CCSER1: variants seen among roughly 807,000 people sequenced by gnomAD.
CCSER1 encodes the protein serine-rich coiled-coil domain-containing protein 1.
In CCSER1, 41 loss-of-function variants were observed where a neutral mutation model predicts 82.0. The observed-to-expected ratio is 0.50, with a 90% CI of 0.39 to 0.65. The LOEUF is 0.65. CCSER1 is among the 30% of genes least tolerant of loss of function. The pLI, the probability that CCSER1 is intolerant of heterozygous loss-of-function variation, is 0.00. For missense variants in CCSER1, 1,119 were observed against 1,064.2 expected (o/e 1.05, Z -0.72); for synonymous variants, 414 against 383.9 (o/e 1.08, Z -0.92).
intron 10 of CCSER1, among the ~76,000 whole-genome samples, chr4:91,361,933 G>A (rs2149313275): frequency 6.6e-6 from 1 of 151,740 alleles, no homozygotes; most frequent in South Asian, 2.1e-4. Context: ...AATAAAATGG[G>A]GAGGGTATTT....
chr4:90,329,580 G>A (rs1369574107), intron 3 of CCSER1, among the ~76,000 whole-genome samples: 1 of 152,082 alleles, frequency 6.6e-6, no homozygotes, highest in East Asian at 1.9e-4. Context: ...TTATCTATTA[G>A]ATCTTTATAA....
At chr4:91,322,724 T>C (rs1235810807) in intron 10 of CCSER1, among the ~76,000 whole-genome samples, 1 of 152,156 alleles carries the variant, frequency 6.6e-6, no homozygotes, top group Non-Finnish European at 1.5e-5. Flanking sequence ...TGCATGACTT[T>C]GCTTCAGTTT....
At chr4:91,480,988 C>A (rs1221308739) in intron 10 of CCSER1, among the ~76,000 whole-genome samples, 2 of 151,704 alleles carry the variant, frequency 1.3e-5, no homozygotes, top group South Asian at 2.1e-4. Context: ...GAGAGTCAGT[C>A]TTAGCCTTCA....
At chr4:90,557,383 T>C (rs967686168) in intron 5 of CCSER1, among the ~76,000 whole-genome samples, 2 of 152,080 alleles carry the variant, frequency 1.3e-5, no homozygotes, top group Admixed American at 6.5e-5. Context: ...ATAAGTCATA[T>C]TAACAGATGA....
intron 9 of CCSER1, among the ~76,000 whole-genome samples, chr4:91,059,318 A>G (rs1314016067): frequency 2.0e-5 from 3 of 150,390 alleles, no homozygotes; most frequent in Non-Finnish European, 1.5e-5. Context: ...GTGTATATAT[A>G]TATACATATA....
At chr4:90,696,847 A>G (rs1339790969) in intron 6 of CCSER1, among the ~76,000 whole-genome samples, 1 of 152,172 alleles carries the variant, frequency 6.6e-6, no homozygotes, top group Non-Finnish European at 1.5e-5. Context: ...TGTGGAGCTG[A>G]TATTTGAAAT....
intron 6 of CCSER1, among the ~76,000 whole-genome samples, chr4:90,657,292 A>T (rs556051817): frequency 6.6e-6 from 1 of 151,850 alleles, no homozygotes. Flanking sequence ...TTCAAAAGAG[A>T]TTTTGTTTTT....
intron 3 of CCSER1, among the ~76,000 whole-genome samples, chr4:90,372,548 G>A (rs1410817344): frequency 1.3e-5 from 2 of 151,980 alleles, no homozygotes; most frequent in African/African-American, 2.4e-5. Flanking sequence ...TTAGAAGTTC[G>A]AGACCACCCT....
chr4:91,405,580 G>A (rs531634513), intron 10 of CCSER1, among the ~76,000 whole-genome samples: 1 of 152,314 alleles, frequency 6.6e-6, no homozygotes, highest in African/African-American at 2.4e-5. Context: ...AGCAATGGCT[G>A]GCGCCCCTCC....
intron 5 of CCSER1, among the ~76,000 whole-genome samples, chr4:90,576,260 T>C (rs780510061): frequency 4.6e-5 from 7 of 152,266 alleles, no homozygotes; most frequent in Middle Eastern, 3.4e-3. Context: ...AATTGAAAGA[T>C]GGTACAAAAA....
At chr4:90,921,622 C>G (rs563094420) in intron 8 of CCSER1, among the ~76,000 whole-genome samples, 3 of 151,910 alleles carry the variant, frequency 2.0e-5, no homozygotes, top group African/African-American at 7.2e-5. Flanking sequence ...GAGCAGTAAT[C>G]CAGAAGTTAC....
intron 7 of CCSER1, among the ~76,000 whole-genome samples, chr4:90,796,851 T>C (rs1455000434): frequency 6.6e-6 from 1 of 152,218 alleles, no homozygotes; most frequent in African/African-American, 2.4e-5. Flanking sequence ...CAAGACATTG[T>C]TTTTTATGAT....
At chr4:90,199,898 C>T (rs1410796821) in intron 1 of CCSER1, among the ~76,000 whole-genome samples, 1 of 152,072 alleles carries the variant, frequency 6.6e-6, no homozygotes, top group African/African-American at 2.4e-5. Flanking sequence ...ATCCTAGATT[C>T]GCTAAAGAAG....
At chr4:90,989,892 G>T (rs957705927) in intron 9 of CCSER1, among the ~76,000 whole-genome samples, 2 of 151,666 alleles carry the variant, frequency 1.3e-5, no homozygotes, top group Non-Finnish European at 3.0e-5. Flanking sequence ...GAGCAGGGAC[G>T]ATCCGGAAAT....
intron 8 of CCSER1, among the ~76,000 whole-genome samples, chr4:90,858,008 T>C (rs1375302803): frequency 6.6e-6 from 1 of 152,094 alleles, no homozygotes; most frequent in Non-Finnish European, 1.5e-5. Context: ...TTATATGCCT[T>C]AAATATACCC....
rs1276750038 is a variant in CCSER1 at position 91,496,736 on chromosome 4, ATT to A, written c.2218-101835_2218-101834del. 8.4e-5 allele frequency among the ~76,000 whole-genome samples: 6 copies of A among 71,486 alleles called. 2 individuals carry two copies. Among genetic ancestry groups the A allele is most frequent in the Admixed American group, 2.0e-4 (1 of 4,950 alleles). The allele number at this position is 71,486 out of a possible 152,430, so 46.9% of individuals were successfully genotyped here. On this transcript the variant is annotated intron_variant, in intron 10 of 10. Coordinates refer to ENST00000509176, the MANE Select transcript of CCSER1 (RefSeq NM_001145065.2). ...TTCAATATATAGAATATATATATAT[ATT>A]GAATATATATTTGAATATATATATA...
At chr4:90,952,385 T>C (rs1163385696) in intron 9 of CCSER1, among the ~76,000 whole-genome samples, 1 of 151,996 alleles carries the variant, frequency 6.6e-6, no homozygotes, top group East Asian at 1.9e-4. Flanking sequence ...TAAAAAGTAA[T>C]GGGAAGAGGC....
At chr4:90,688,258 T>C (rs923375632) in intron 6 of CCSER1, among the ~76,000 whole-genome samples, 36 of 152,104 alleles carry the variant, frequency 2.4e-4, no homozygotes, top group African/African-American at 8.4e-4. Flanking sequence ...CATACCCTTA[T>C]GCATTCTGTA....
At chr4:90,865,798 A>G (rs1438354072) in intron 8 of CCSER1, among the ~76,000 whole-genome samples, 11 of 151,940 alleles carry the variant, frequency 7.2e-5, no homozygotes, top group Admixed American at 6.6e-5. Flanking sequence ...TACTGCCTGT[A>G]TTAGTCCATG....
Sources: gnomAD v4.1 joint callset for allele counts (sites outside exome capture counted in the v4.1 genomes callset) on GRCh38, gnomAD v4.1.1 for gene constraint, MANE v1.5 for transcripts, NCBI Gene and HGNC (gene_info 2026-07-23, HGNC 2026-07-21) for gene names.